Variants in BRIP1 observed in about 807,000 individuals in gnomAD.
BRIP1 encodes BRCA1 interacting DNA helicase 1, also known as Fanconi anemia group J protein.
Under a neutral mutation model 119.7 loss-of-function variants are expected in BRIP1, and 88 were observed. The observed-to-expected ratio is 0.74, with a 90% CI of 0.62 to 0.88. The LOEUF is 0.88. BRIP1 is among the 40% of genes least tolerant of loss of function. The pLI, the probability that BRIP1 is intolerant of heterozygous loss-of-function variation, is 0.00. For synonymous variants in BRIP1, 443 were observed against 496.5 expected, an observed-to-expected ratio of 0.89 and a Z score of 1.43; for missense variants, 1,259 against 1,455.4, an observed-to-expected ratio of 0.87 and a Z score of 2.20.
In BRIP1 at chr17:61,843,612, C is replaced by A. The variant is rs1004001582; in HGVS notation, c.627+3489G>T. 2.0e-5 allele frequency among the ~76,000 whole-genome samples: 3 copies of A among 152,056 alleles called. No homozygotes were observed. The highest frequency in any genetic ancestry group is 7.2e-5 in the African/African-American group (3 of 41,408). ...CTGGTTATTTAAAACAGTGTGGAAC[C>A]TCCTCTGCTCTCTCCTCTGTCCTCT... On this transcript the variant is annotated intron_variant, in intron 6 of 19. Coordinates refer to ENST00000259008, the MANE Select transcript of BRIP1 (RefSeq NM_032043.3). This position sits in a 1 kb window ranked among gnomAD's most constrained non-coding sequence, Gnocchi z 5.7.
At position 61,691,250 on chromosome 17, in the gene BRIP1, TTAAAA is replaced by T. The variant is rs1038768276; in HGVS notation, c.2575+2175_2575+2179del. The stretch of plus-strand genomic sequence containing the variant: ...TAAAGTATAATAATAAAAATAAAAA[TTAAAA>T]TAAAAAAACTCAAACCAGGGAAAAA... On this transcript the variant is annotated intron_variant, in intron 18 of 19. Coordinates refer to ENST00000259008, the MANE Select transcript of BRIP1 (RefSeq NM_032043.3). The surrounding 1 kb of genome is among the most constrained non-coding windows in gnomAD (Gnocchi z 5.0). 1.1e-4 allele frequency among the ~76,000 whole-genome samples: 16 copies of T among 149,786 alleles called. No individual in the cohort carries two copies. The highest frequency in any genetic ancestry group is 1.8e-4 in the Non-Finnish European group (12 of 67,376).
Position 61,838,207 on chromosome 17 carries a change from T to TG in BRIP1, c.627+8893_627+8894insC, listed in dbSNP as rs2078603079. Among the ~76,000 whole-genome samples, 2 of 152,084 alleles carry TG rather than the reference T, an allele frequency of 1.3e-5. 1 individual carries two copies. The highest frequency in any genetic ancestry group is 4.1e-4 in the South Asian group (2 of 4,836). ...ATTTAAAAAATACTGTACTCCCTAG[T>TG]ATCATATAATAAAAAGCAAGATAGG... On this transcript the variant is annotated intron_variant, in intron 6 of 19. Transcript: ENST00000259008.
At chr17:61,696,576 T>A (rs1052210390) in intron 17 of BRIP1, among the ~76,000 whole-genome samples, 4 of 151,560 alleles carry the variant, frequency 2.6e-5, no homozygotes, top group African/African-American at 7.3e-5. Context: ...AGCCATTTGA[T>A]CATGAGGCTG....
At position 61,767,072 on chromosome 17, in the gene BRIP1, A is replaced by G. The variant is rs1211989912; in HGVS notation, c.2097+9329T>C. ...ACTATTGGTCTGAAAGAATGTGGGG[A>G]AAAAAACTAGATGAACAACGTTCTC... is the stretch of plus-strand genomic sequence containing the variant. On this transcript the variant is annotated intron_variant, in intron 14 of 19. Transcript: ENST00000259008. This position sits in a 1 kb window ranked among gnomAD's most constrained non-coding sequence, Gnocchi z 5.7. Among the ~76,000 whole-genome samples, 2 of 152,100 alleles carry G rather than the reference A, an allele frequency of 1.3e-5. No homozygotes were observed. Among genetic ancestry groups the G allele is most frequent in the East Asian group, 1.9e-4 (1 of 5,186 alleles).
intron 16 of BRIP1, among the ~76,000 whole-genome samples, chr17:61,721,504 C>T (rs1346493534): frequency 3.4e-5 from 5 of 148,626 alleles, no homozygotes; most frequent in African/African-American, 7.4e-5. Flanking sequence ...CTCTTGACCT[C>T]GTGATCCACC....
Position 61,825,653 on chromosome 17 carries a change from A to AT in BRIP1, c.628-16897dup, listed in dbSNP as rs1361922239. On this transcript the variant is annotated intron_variant, in intron 6 of 19. Transcript: ENST00000259008. This position sits in a 1 kb window ranked among gnomAD's most constrained non-coding sequence, Gnocchi z 4.1. ...AATAAATAAATAAATAAATAAATAA[A>AT]TAAATAAATAAATAAAATAACTGGG... 1.3e-5 allele frequency among the ~76,000 whole-genome samples: 2 copies of AT among 150,898 alleles called. No individual in the cohort carries two copies. The highest frequency in any genetic ancestry group is 6.6e-5 in the Admixed American group (1 of 15,188).
At position 61,834,467 on chromosome 17, in the gene BRIP1, G is replaced by A. The variant is rs564413060; in HGVS notation, c.627+12634C>T. Among the ~76,000 whole-genome samples the A allele has an allele frequency of 6.6e-6, 1 of 152,048 alleles. No homozygotes were observed. Among genetic ancestry groups the A allele is most frequent in the Non-Finnish European group, 1.5e-5 (1 of 68,006 alleles). On this transcript the variant is annotated intron_variant, in intron 6 of 19. Transcript: ENST00000259008. This position sits in a 1 kb window ranked among gnomAD's most constrained non-coding sequence, Gnocchi z 4.4. The stretch of plus-strand genomic sequence containing the variant: ...GAAATGTTTACATATATACTCAGTT[G>A]ATACTGGGTATATATGTAATATATA...
At chr17:61,707,406 G>A (rs2061706764) in intron 17 of BRIP1, among the ~76,000 whole-genome samples, 1 of 152,088 alleles carries the variant, frequency 6.6e-6, no homozygotes, top group Non-Finnish European at 1.5e-5. Flanking sequence ...GTGCCTGAGT[G>A]AGCCCCTTCA....
rs1479677709 is a variant in BRIP1, at chr17:61,846,704, AT to A, written c.627+396del. The stretch of plus-strand genomic sequence containing the variant: ...GCCTGGCCTACAACATCTTAATATT[AT>A]TACAAAAATAATTTTCACCTCACAG... On this transcript the variant is annotated intron_variant, in intron 6 of 19. Transcript: ENST00000259008. This position sits in a 1 kb window ranked among gnomAD's most constrained non-coding sequence, Gnocchi z 4.3. Among the ~76,000 whole-genome samples, 1 of 152,170 alleles carries A rather than the reference AT, an allele frequency of 6.6e-6. No individual in the cohort carries two copies. Among genetic ancestry groups the A allele is most frequent in the African/African-American group, 2.4e-5 (1 of 41,444 alleles).
In BRIP1 at chr17:61,679,719, A is replaced by G. The variant is rs538181814; in HGVS notation, c.*3577T>C. Among the ~76,000 whole-genome samples the G allele has an allele frequency of 7.2e-5, 11 of 152,326 alleles. No homozygotes were observed. In the South Asian group the frequency reaches 2.1e-3, roughly 29 times the overall value. ...TATATGATTCATCTACTAATTAATA[A>G]TGAATAACTTGCAATGTGCCAGGTG... On this transcript the variant is annotated 3_prime_UTR_variant, in exon 20 of 20. Coordinates refer to ENST00000259008, the MANE Select transcript of BRIP1 (RefSeq NM_032043.3). The surrounding 1 kb of genome is among the most constrained non-coding windows in gnomAD (Gnocchi z 4.4).
In BRIP1 at chr17:61,856,943, G is replaced by C. The variant is rs1297568419; in HGVS notation, c.379+115C>G. 2.0e-6 allele frequency: 2 copies of C among 1,016,970 alleles called. No individual in the cohort carries two copies. Among genetic ancestry groups the C allele is most frequent in the African/African-American group, 3.2e-5 (2 of 62,552 alleles). The allele number at this position is 1,016,970 out of a possible 1,614,324, so 63.0% of individuals were successfully genotyped here. ...TTTTAAAATCATTCCAGAGAAACTAGATAGAGATATATAATCAGTTATGCT... is the reference window on the plus strand; with the variant it reads ...TTTTAAAATCATTCCAGAGAAACTACATAGAGATATATAATCAGTTATGCT... On this transcript the variant is annotated intron_variant, in intron 4 of 19. Coordinates refer to ENST00000259008, the MANE Select transcript of BRIP1 (RefSeq NM_032043.3). The surrounding 1 kb of genome is among the most constrained non-coding windows in gnomAD (Gnocchi z 5.1).
intron 16 of BRIP1, among the ~76,000 whole-genome samples, chr17:61,728,313 CAA>C (rs1338661426): frequency 8.0e-5 from 9 of 113,182 alleles, no homozygotes; most frequent in Admixed American, 4.6e-4. Context: ...TTCAATAAGT[CAA>C]AAAAAAAAAA....
Position 61,861,421 on chromosome 17 carries a change from AAACTT to A in BRIP1, c.93+21_93+25del. 1 of 1,502,212 alleles carries A rather than the reference AAACTT, an allele frequency of 6.7e-7. No homozygotes were observed. Among genetic ancestry groups the A allele is most frequent in the African/African-American group, 1.4e-5 (1 of 72,746 alleles). The allele number at this position is 1,502,212 out of a possible 1,614,324, so 93.1% of individuals were successfully genotyped here. A position where few individuals can be genotyped will look rare whatever the true frequency, so the allele number is the denominator to read the frequency against. ...GTCATAAGTATCTATATCTTAATAAAAACTTAACTGCTGAAAAATACTTACAGAAT... is the reference window on the plus strand; with the variant it reads ...GTCATAAGTATCTATATCTTAATAAAAACTGCTGAAAAATACTTACAGAAT... On this transcript the variant is annotated intron_variant, in intron 2 of 19. Coordinates refer to ENST00000259008, the MANE Select transcript of BRIP1 (RefSeq NM_032043.3). This position sits in a 1 kb window ranked among gnomAD's most constrained non-coding sequence, Gnocchi z 4.5.
chr17:61,788,062 T>A (rs2077760691), intron 10 of BRIP1, among the ~76,000 whole-genome samples: 1 of 152,200 alleles, frequency 6.6e-6, no homozygotes. Flanking sequence ...CGGTCATTAT[T>A]CAGACAATAT....
chr17:61,816,946 T>C lies in BRIP1; in HGVS notation c.628-8189A>G, dbSNP rs2078246037. Among the ~76,000 whole-genome samples, 1 of 152,174 alleles carries C rather than the reference T, an allele frequency of 6.6e-6. No homozygotes were observed. The stretch of plus-strand genomic sequence containing the variant: ...ATAAATGGATGCTGAAATCTTTCAG[T>C]GAAAAGTTATTAGGGAACAGAATAT... On this transcript the variant is annotated intron_variant, in intron 6 of 19. Transcript: ENST00000259008. The surrounding 1 kb of genome is among the most constrained non-coding windows in gnomAD (Gnocchi z 5.0).
In BRIP1 at chr17:61,746,888, T is replaced by G. The variant is rs188901149; in HGVS notation, c.2098-2297A>C. On this transcript the variant is annotated intron_variant, in intron 14 of 19. Transcript: ENST00000259008. This position sits in a 1 kb window ranked among gnomAD's most constrained non-coding sequence, Gnocchi z 4.9. The stretch of plus-strand genomic sequence containing the variant: ...CCCAACAGCAGCAAAATACATATTC[T>G]TCACAACTGTACATGGAACATTCTC... Among the ~76,000 whole-genome samples, 5 of 152,272 alleles carry G rather than the reference T, an allele frequency of 3.3e-5. No homozygotes were observed. The East Asian group carries it at 9.6e-4, about 29-fold the overall frequency.
rs1417380830 is a variant in BRIP1 at position 61,799,443 on chromosome 17, T to G, written c.1141-144A>C. ...AGCAACAGAGATTCTAGGTCTTAAA[T>G]AAAACTTCTGAAGCACTATGGCCAA... On this transcript the variant is annotated intron_variant, in intron 8 of 19. Transcript: ENST00000259008. This position sits in a 1 kb window ranked among gnomAD's most constrained non-coding sequence, Gnocchi z 5.1. 1 of 678,726 alleles carries G rather than the reference T, an allele frequency of 1.5e-6. No homozygotes were observed. The highest frequency in any genetic ancestry group is 2.7e-5 in the East Asian group (1 of 36,930). 42.0% of individuals were successfully genotyped at this position (678,726 alleles called of 1,614,324 possible). A position where few individuals can be genotyped will look rare whatever the true frequency, so the allele number is the denominator to read the frequency against.
At position 61,762,284 on chromosome 17, in the gene BRIP1, CTG is replaced by C. The variant is rs2077288706; in HGVS notation, c.2097+14115_2097+14116del. 6.6e-6 allele frequency among the ~76,000 whole-genome samples: 1 copy of C among 151,860 alleles called. No homozygotes were observed. The highest frequency in any genetic ancestry group is 2.1e-4 in the South Asian group (1 of 4,828). On this transcript the variant is annotated intron_variant, in intron 14 of 19. Transcript: ENST00000259008. The surrounding 1 kb of genome is among the most constrained non-coding windows in gnomAD (Gnocchi z 4.3). The stretch of plus-strand genomic sequence containing the variant: ...AAAGATTTAAACCCAAGAACTGAAA[CTG>C]TAAAACTACTAGAAGAAAACAGAGG...
In BRIP1 at chr17:61,695,025, A is replaced by G. The variant is rs924162846; in HGVS notation, c.2493-1513T>C. Among the ~76,000 whole-genome samples the G allele has an allele frequency of 6.6e-6, 1 of 151,898 alleles. No homozygotes were observed. The highest frequency in any genetic ancestry group is 2.4e-5 in the African/African-American group (1 of 41,388). ...GAAGAATAAAAATTTGAACTGTAAC[A>G]AAGTCCAATTTATCTGCTTTTTCTT... On this transcript the variant is annotated intron_variant, in intron 17 of 19. Transcript: ENST00000259008. The surrounding 1 kb of genome is among the most constrained non-coding windows in gnomAD (Gnocchi z 4.3).
Sources: allele counts gnomAD v4.1 joint callset (sites outside exome capture counted in the v4.1 genomes callset), GRCh38; gene constraint gnomAD v4.1.1; non-coding constraint Gnocchi (gnomAD v3.1); transcripts MANE v1.5; gene names NCBI Gene and HGNC (gene_info 2026-07-23, HGNC 2026-07-21).